The following ATP11A variants were observed in gnomAD, a reference collection of about 807,000 sequenced individuals.
ATP11A encodes ATPase phospholipid transporting 11A.
ATP11A carries 81 observed loss-of-function variants against 154.4 expected under a neutral mutation model. The observed-to-expected ratio is 0.52, with a 90% confidence interval of 0.44 to 0.63. ATP11A has a LOEUF of 0.63. ATP11A is among the 30% of genes least tolerant of loss of function. The pLI, the probability that ATP11A is intolerant of heterozygous loss-of-function variation, is 0.00. For missense variants in ATP11A, 1,316 were observed against 1,474.3 expected (o/e 0.89, Z 1.76); for synonymous variants, 623 against 585.9 (o/e 1.06, Z -0.91).
intron 16 of ATP11A, among the ~76,000 whole-genome samples, chr13:112,839,325 G>A (rs543289731): frequency 1.3e-5 from 2 of 152,096 alleles, no homozygotes; most frequent in African/African-American, 4.8e-5. Context: ...CAGAAAAGAT[G>A]AAAGAGAAGG....
intron 24 of ATP11A, among the ~76,000 whole-genome samples, chr13:112,862,150 G>A (rs2080127942): frequency 6.6e-6 from 1 of 152,264 alleles, no homozygotes; most frequent in Admixed American, 6.5e-5. Flanking sequence ...TCTGTTCGTT[G>A]CTTTCAGAAG....
rs774588683 is a variant in ATP11A at position 112,807,690 on chromosome 13, A to G, written c.333+1397A>G. On this transcript the variant is annotated intron_variant, in intron 4 of 29. Transcript: ENST00000375645. The surrounding 1 kb of genome is among the most constrained non-coding windows in gnomAD (Gnocchi z 4.5). ...AAACGATGTTACTCGGGGACCTGCCATGTGTCCTCGGGCCCAAAGTCACAG... is the reference window on the plus strand; with the variant it reads ...AAACGATGTTACTCGGGGACCTGCCGTGTGTCCTCGGGCCCAAAGTCACAG... Among the ~76,000 whole-genome samples, 7 of 152,196 alleles carry G rather than the reference A, an allele frequency of 4.6e-5. No homozygotes were observed. The highest frequency in any genetic ancestry group is 4.4e-5 in the Non-Finnish European group (3 of 68,030).
At chr13:112,793,734 G>A (rs897096651) in intron 2 of ATP11A, among the ~76,000 whole-genome samples, 2 of 152,242 alleles carry the variant, frequency 1.3e-5, no homozygotes, top group Non-Finnish European at 2.9e-5. Context: ...GTGTTCAGGT[G>A]AACACTAGTT....
intron 1 of ATP11A, among the ~76,000 whole-genome samples, chr13:112,700,311 C>T (rs79566294): frequency 0.015 from 2,355 of 152,292 alleles, 57 homozygotes; most frequent in African/African-American, 0.053. Flanking sequence ...ATGAGGCACC[C>T]GTGGTCCGTG....
chr13:112,742,108 G>A (rs892129589), intron 1 of ATP11A, among the ~76,000 whole-genome samples: 7 of 152,178 alleles, frequency 4.6e-5, no homozygotes, highest in African/African-American at 1.7e-4. Context: ...CGGGGTGAAC[G>A]CATTGTCCAC....
Position 112,754,552 on chromosome 13 carries a change from T to C in ATP11A, c.40-30583T>C, listed in dbSNP as rs7326827. The C allele has an allele frequency of 0.23, 37,717 of 161,114 alleles. 6,103 individuals are homozygous for C. Among genetic ancestry groups the C allele is most frequent in the African/African-American group, 0.46 (19,117 of 41,462 alleles). The allele number at this position is 161,114 out of a possible 1,614,324, so 10.0% of individuals were successfully genotyped here. ...AGAGCCAGGCAGGACTCACTGCGGCTCCTGTGCTCCACGCTGCCCCCCCGA... is the reference window on the plus strand; with the variant it reads ...AGAGCCAGGCAGGACTCACTGCGGCCCCTGTGCTCCACGCTGCCCCCCCGA... On this transcript the variant is annotated intron_variant, in intron 1 of 29. Transcript: ENST00000375645. This position sits in a 1 kb window ranked among gnomAD's most constrained non-coding sequence, Gnocchi z 5.3.
At position 112,844,952 on chromosome 13, in the gene ATP11A, A is replaced by G. The variant is rs77520686; in HGVS notation, c.1809+2573A>G. On this transcript the variant is annotated intron_variant, in intron 17 of 29. Transcript: ENST00000375645. ...ATACTAACCAGTCCAGTTGCCGGGCACTAGCAGTACTAGTCCAAGTGCCAG... is the reference window on the plus strand; with the variant it reads ...ATACTAACCAGTCCAGTTGCCGGGCGCTAGCAGTACTAGTCCAAGTGCCAG... Among the ~76,000 whole-genome samples the G allele has an allele frequency of 6.9e-3, 1,037 of 150,018 alleles. 9 individuals are homozygous for G. Among genetic ancestry groups the G allele is most frequent in the African/African-American group, 0.025 (990 of 39,648 alleles).
rs983407955 is a variant in ATP11A at position 112,881,865 on chromosome 13, C to T, written c.*10-11C>T. 1 of 1,367,644 alleles carries T rather than the reference C, an allele frequency of 7.3e-7. No individual in the cohort carries two copies. Among genetic ancestry groups the T allele is most frequent in the Non-Finnish European group, 9.8e-7 (1 of 1,021,996 alleles). 84.7% of individuals were successfully genotyped at this position (1,367,644 alleles called of 1,614,324 possible). ...CGCGACTCAGAATTCACCCCTCTTG[C>T]CTCTCTGCAGAGCCCAGGCTACCAG... is the stretch of plus-strand genomic sequence containing the variant. On this transcript the variant is annotated splice_polypyrimidine_tract_variant and intron_variant, in intron 29 of 29. Coordinates refer to ENST00000375645, the MANE Select transcript of ATP11A (RefSeq NM_015205.3).
intron 1 of ATP11A, among the ~76,000 whole-genome samples, chr13:112,731,385 G>A (rs905189781): frequency 1.3e-5 from 2 of 152,172 alleles, no homozygotes; most frequent in Non-Finnish European, 2.9e-5. Flanking sequence ...TAGAAACTAA[G>A]TATCAGAACT....
At chr13:112,718,770 A>G (rs1888805056) in intron 1 of ATP11A, among the ~76,000 whole-genome samples, 1 of 151,240 alleles carries the variant, frequency 6.6e-6, no homozygotes, top group Non-Finnish European at 1.5e-5. Flanking sequence ...TCCCAGGTTC[A>G]AGGGATTCTC....
At chr13:112,693,512 A>G (rs1885437189) in intron 1 of ATP11A, among the ~76,000 whole-genome samples, 1 of 148,560 alleles carries the variant, frequency 6.7e-6, no homozygotes, top group Non-Finnish European at 1.5e-5. Flanking sequence ...GGGGTGGTGT[A>G]TGTGCTGTGG....
intron 20 of ATP11A, 77 bp downstream of exon 20, chr13:112,856,162 C>T: frequency 7.1e-7 from 1 of 1,417,176 alleles, no homozygotes. Context: ...GTCTCACCGC[C>T]TCAGATTGTT....
At chr13:112,858,350 G>T in intron 22 of ATP11A, 60 bp downstream of exon 22, 2 of 1,528,480 alleles carry the variant, frequency 1.3e-6, no homozygotes, top group South Asian at 1.3e-5. Context: ...AGGGTGGCAC[G>T]ACCCTTGTCT....
intron 16 of ATP11A, among the ~76,000 whole-genome samples, chr13:112,841,463 C>G (rs1451748736): frequency 7.6e-5 from 11 of 145,090 alleles, no homozygotes; most frequent in African/African-American, 2.8e-4. Flanking sequence ...CTCTGTGTGT[C>G]GGGAGCACCT....
chr13:112,869,348 A>G (rs777582043), intron 25 of ATP11A, among the ~76,000 whole-genome samples: 1 of 152,216 alleles, frequency 6.6e-6, no homozygotes, highest in African/African-American at 2.4e-5. Context: ...CTGCAGGACC[A>G]GGCATCCTGA....
chr13:112,784,854 G>C (rs530390868), intron 1 of ATP11A, among the ~76,000 whole-genome samples: 3 of 152,216 alleles, frequency 2.0e-5, no homozygotes, highest in Non-Finnish European at 4.4e-5. Flanking sequence ...GCCCTGAGCT[G>C]TTTCCACTGG....
chr13:112,837,714 T>C (rs567926768), intron 16 of ATP11A, among the ~76,000 whole-genome samples: 7 of 152,262 alleles, frequency 4.6e-5, no homozygotes, highest in Admixed American at 2.6e-4. Flanking sequence ...TGCCAGCATT[T>C]TCCTAAGATG....
chr13:112,737,968 T>C (rs1891166043), intron 1 of ATP11A, among the ~76,000 whole-genome samples: 2 of 152,218 alleles, frequency 1.3e-5, no homozygotes, highest in South Asian at 4.1e-4. Flanking sequence ...ACAGGTCCTC[T>C]CCCTCAGCCC....
intron 1 of ATP11A, among the ~76,000 whole-genome samples, chr13:112,761,621 G>A (rs1343685694): frequency 7.2e-6 from 1 of 138,584 alleles, no homozygotes; most frequent in East Asian, 2.0e-4. Context: ...GTACTATCTC[G>A]GATTCAGGAG....
Sources: allele counts gnomAD v4.1 joint callset (sites outside exome capture counted in the v4.1 genomes callset), GRCh38; gene constraint gnomAD v4.1.1; non-coding constraint Gnocchi (gnomAD v3.1); transcripts MANE v1.5; gene names NCBI Gene and HGNC (gene_info 2026-07-23, HGNC 2026-07-21).